The following DNAH9 variants were observed in gnomAD, a reference collection of about 807,000 sequenced individuals.
The protein encoded by DNAH9 is dynein axonemal heavy chain 9, also known as DNAH9 variant protein.
Under a neutral mutation model 471.6 loss-of-function variants are expected in DNAH9, and 345 were observed. The ratio of observed to expected loss-of-function variants is 0.73; its 90% CI spans 0.67 to 0.80. DNAH9 has a LOEUF of 0.80. Ranked by LOEUF, DNAH9 falls within the 30% of genes least tolerant of loss-of-function variation. The probability of loss-of-function intolerance (pLI) is 0.00; values close to 1 mark genes in which losing one functional copy is unlikely to be tolerated. For synonymous variants in DNAH9, 2,093 were observed against 2,123.6 expected, an observed-to-expected ratio of 0.99 and a Z score of 0.40; for missense variants, 5,407 against 5,609.2, an observed-to-expected ratio of 0.96 and a Z score of 1.15.
At chr17:11,859,189 T>A (rs2158973) in intron 50 of DNAH9, among the ~76,000 whole-genome samples, 2 of 151,648 alleles carry the variant, frequency 1.3e-5, no homozygotes, top group Non-Finnish European at 2.9e-5. Context: ...GAGACAGGTG[T>A]ATCACCTGAG....
chr17:11,695,016 G>A (rs1387721410), intron 22 of DNAH9, among the ~76,000 whole-genome samples: 1 of 150,376 alleles, frequency 6.6e-6, no homozygotes, highest in African/African-American at 2.5e-5. Context: ...AGCCTCCCGC[G>A]TAGCTGGGAC....
At chr17:11,642,450 G>A (rs976663252) in intron 10 of DNAH9, among the ~76,000 whole-genome samples, 2 of 152,118 alleles carry the variant, frequency 1.3e-5, no homozygotes, top group Admixed American at 6.5e-5. Context: ...TACTCAGGAC[G>A]CTGAGGCAGG....
At position 11,784,545 on chromosome 17, in the gene DNAH9, T is replaced by C; in HGVS notation, c.8061+6T>C. On this transcript the variant is annotated splice_donor_region_variant and intron_variant, in intron 41 of 68. Transcript: ENST00000262442. ...ATTTTGCCAACATTTTCCAGGTGAG[T>C]TCATCGGCTCCGAGACACCCTAGGG... 6.2e-7 allele frequency: 1 copy of C among 1,614,000 alleles called. No homozygotes were observed. Among genetic ancestry groups the C allele is most frequent in the Non-Finnish European group, 8.5e-7 (1 of 1,179,990 alleles).
At chr17:11,662,204 T>C (rs2073778932) in intron 14 of DNAH9, among the ~76,000 whole-genome samples, 1 of 152,176 alleles carries the variant, frequency 6.6e-6, no homozygotes, top group African/African-American at 2.4e-5. Flanking sequence ...ATGTAATGTA[T>C]TATTTATCTC....
chr17:11,801,469 C>G (rs1969458658), intron 43 of DNAH9, among the ~76,000 whole-genome samples: 1 of 152,180 alleles, frequency 6.6e-6, no homozygotes, highest in Admixed American at 6.5e-5. Context: ...GCGGGTGGAT[C>G]ACCTGAGGTC....
chr17:11,834,271 G>A (rs1221298976), intron 48 of DNAH9, among the ~76,000 whole-genome samples: 3 of 134,418 alleles, frequency 2.2e-5, no homozygotes, highest in African/African-American at 8.2e-5. Context: ...GGAGGTTGCA[G>A]TGAGCCGAGA....
chr17:11,710,670 A>T (rs4393609), intron 26 of DNAH9, among the ~76,000 whole-genome samples: 124,996 of 152,150 alleles, frequency 0.82, 55,486 homozygotes, highest in Non-Finnish European at 0.98. Flanking sequence ...TTTCTCTGGG[A>T]TATTCTTTTA....
At chr17:11,816,677 C>T (rs543760760) in intron 45 of DNAH9, among the ~76,000 whole-genome samples, 1 of 152,142 alleles carries the variant, frequency 6.6e-6, no homozygotes, top group African/African-American at 2.4e-5. Flanking sequence ...CTAACTAAAC[C>T]ACGTTAAATT....
intron 12 of DNAH9, among the ~76,000 whole-genome samples, chr17:11,648,697 G>T (rs1265715491): frequency 6.6e-6 from 1 of 152,038 alleles, no homozygotes; most frequent in Non-Finnish European, 1.5e-5. Flanking sequence ...AAGAAAAAGG[G>T]GGGTAGGGAT....
At chr17:11,843,880 T>TATATATATAG (rs1165352727) in intron 49 of DNAH9, among the ~76,000 whole-genome samples, 4 of 133,522 alleles carry the variant, frequency 3.0e-5, no homozygotes, top group Non-Finnish European at 6.4e-5. Flanking sequence ...TATATATATA[T>TATATATATAG]ATATATATAT....
At chr17:11,783,825 A>G (rs1485544469) in intron 40 of DNAH9, 77 bp downstream of exon 40, 1 of 1,269,370 alleles carries the variant, frequency 7.9e-7, no homozygotes, top group Non-Finnish European at 1.1e-6. Context: ...AAGTATAATA[A>G]TTGGCCTTTT....
At chr17:11,891,724 G>T (rs1973054781) in intron 57 of DNAH9, 53 bp from the exon 58 acceptor site, 1 of 1,583,178 alleles carries the variant, frequency 6.3e-7, no homozygotes, top group Non-Finnish European at 8.6e-7. Flanking sequence ...AAGACCACTA[G>T]TGTATAGTAA....
chr17:11,660,534 G>T (rs1203669116), intron 14 of DNAH9, among the ~76,000 whole-genome samples: 1 of 151,978 alleles, frequency 6.6e-6, no homozygotes, highest in Admixed American at 6.6e-5. Flanking sequence ...TGTTGGCCAG[G>T]CTGGTCTGGA....
chr17:11,908,120 T>C (rs1973668652), intron 61 of DNAH9, among the ~76,000 whole-genome samples: 1 of 152,178 alleles, frequency 6.6e-6, no homozygotes, highest in African/African-American at 2.4e-5. Flanking sequence ...GTTCCAGTCC[T>C]TGCATATCCC....
At chr17:11,704,575 G>T in intron 25 of DNAH9, 133 bp downstream of exon 25, 1 of 755,662 alleles carries the variant, frequency 1.3e-6, no homozygotes, top group Non-Finnish European at 2.0e-6. Flanking sequence ...CACAGTGGCT[G>T]CTCCTACTTT....
chr17:11,609,271 T>C (rs1478207222), intron 2 of DNAH9, among the ~76,000 whole-genome samples: 4 of 152,216 alleles, frequency 2.6e-5, no homozygotes, highest in Non-Finnish European at 5.9e-5. Flanking sequence ...TCAGAAGTAA[T>C]TTCCTACATA....
chr17:11,926,969 A>G (rs1023332207), intron 62 of DNAH9, among the ~76,000 whole-genome samples: 1 of 152,236 alleles, frequency 6.6e-6, no homozygotes, highest in Non-Finnish European at 1.5e-5. Flanking sequence ...GTGAGATGGT[A>G]TCTCATTGTG....
At chr17:11,953,698 G>A (rs1975497248) in intron 67 of DNAH9, among the ~76,000 whole-genome samples, 1 of 147,238 alleles carries the variant, frequency 6.8e-6, no homozygotes, top group Admixed American at 6.9e-5. Flanking sequence ...TGTAGAGCTT[G>A]CAGTGAGTGG....
At chr17:11,775,223 T>A (rs372640564) in intron 38 of DNAH9, among the ~76,000 whole-genome samples, 2 of 152,192 alleles carry the variant, frequency 1.3e-5, no homozygotes, top group East Asian at 3.8e-4. Flanking sequence ...CATTCTTGAA[T>A]AGTAAGATAA....
Sources: allele counts gnomAD v4.1 joint callset (sites outside exome capture counted in the v4.1 genomes callset), GRCh38; gene constraint gnomAD v4.1.1; transcripts MANE v1.5; gene names NCBI Gene and HGNC (gene_info 2026-07-23, HGNC 2026-07-21).